The following TNRC6A variants were observed in gnomAD, a reference collection of about 807,000 sequenced individuals.
TNRC6A encodes the protein trinucleotide repeat-containing gene 6A protein.
TNRC6A carries 44 observed loss-of-function variants against 221.2 expected under a neutral mutation model. The observed-to-expected ratio is 0.20, with a 90% confidence interval of 0.16 to 0.26. TNRC6A has a LOEUF of 0.26. Ranked by LOEUF, TNRC6A falls within the 10% of genes least tolerant of loss-of-function variation. The pLI is 1.00. For missense variants in TNRC6A, 2,199 were observed against 2,404.4 expected, an observed-to-expected ratio of 0.91 and a Z score of 1.79; for synonymous variants, 847 against 838.5, an observed-to-expected ratio of 1.01 and a Z score of -0.18.
In TNRC6A at chr16:24,673,491, G is replaced by T. The variant is rs530323776; in HGVS notation, n.402+32482G>T. Among the ~76,000 whole-genome samples, 14 of 152,282 alleles carry T rather than the reference G, an allele frequency of 9.2e-5. No individual in the cohort carries two copies. In the South Asian group the frequency reaches 1.0e-3, roughly 11 times the overall value. On this transcript the variant is annotated intron_variant and non_coding_transcript_variant, in intron 2 of 2. Coordinates refer to the TNRC6A transcript ENST00000566108. ...GGCAAAGATAAGGAAGTAGATTCTG[G>T]CAGGGTGTGAGAATCCCACCAGCTC...
At chr16:24,710,678 T>G (rs2056187710) in intron 2 of TNRC6A, among the ~76,000 whole-genome samples, 1 of 152,106 alleles carries the variant, frequency 6.6e-6, no homozygotes, top group Non-Finnish European at 1.5e-5. Flanking sequence ...AGCATTTTGT[T>G]GGAGGTGTTT....
upstream of TNRC6A, chr16:24,729,554 A>C (rs1884622174): frequency 5.3e-6 from 2 of 378,876 alleles, no homozygotes; most frequent in Non-Finnish European, 9.4e-6. Flanking sequence ...GGCGGTTGCC[A>C]AGGACCTGCC....
chr16:24,713,408 AC>A (rs1247691011), intron 2 of TNRC6A, among the ~76,000 whole-genome samples: 1 of 150,990 alleles, frequency 6.6e-6, no homozygotes, highest in Non-Finnish European at 1.5e-5. Context: ...ACAGAGTAAA[AC>A]TCTGTCTAAA....
intron 1 of TNRC6A, among the ~76,000 whole-genome samples, chr16:24,611,726 A>G (rs1900065750): frequency 1.3e-5 from 2 of 152,196 alleles, no homozygotes; most frequent in East Asian, 1.9e-4. Context: ...TGTTTAAGGG[A>G]TAGAAATAAC....
chr16:24,813,255 T>C (rs569901899), intron 18 of TNRC6A, among the ~76,000 whole-genome samples: 1 of 152,298 alleles, frequency 6.6e-6, no homozygotes, highest in Admixed American at 6.5e-5. Context: ...ATATATTGCA[T>C]ACTGGTGGAG....
intron 2 of TNRC6A, chr16:24,665,108 T>C: frequency 2.5e-6 from 1 of 400,594 alleles, no homozygotes; most frequent in Middle Eastern, 7.8e-4. Context: ...CTCTGTTGCC[T>C]AGCCTGGAGT....
chr16:24,730,123 T>G, intron 1 of TNRC6A, 130 bp from the exon 2 acceptor site: 98 of 267,362 alleles, frequency 3.7e-4, no homozygotes, highest in East Asian at 6.6e-4. Flanking sequence ...TGAGTCCCCC[T>G]CCCCCCGTCC....
intron 2 of TNRC6A, among the ~76,000 whole-genome samples, chr16:24,710,850 T>C (rs991889754): frequency 6.6e-6 from 1 of 151,086 alleles, no homozygotes; most frequent in Non-Finnish European, 1.5e-5. Context: ...GTAGCTGGGA[T>C]TACAGGCACC....
intron 11 of TNRC6A, among the ~76,000 whole-genome samples, chr16:24,801,764 C>T (rs970595164): frequency 9.2e-5 from 14 of 152,152 alleles, no homozygotes; most frequent in South Asian, 2.1e-4. Context: ...TGTTAGCCAC[C>T]GTGCTCAGCT....
At chr16:24,626,859 A>G (rs1049449134) in intron 1 of TNRC6A, among the ~76,000 whole-genome samples, 3 of 151,120 alleles carry the variant, frequency 2.0e-5, no homozygotes, top group Non-Finnish European at 2.9e-5. Flanking sequence ...TCACCATGTT[A>G]GCCAGGAAGG....
upstream of TNRC6A, chr16:24,729,603 G>T: frequency 2.4e-6 from 1 of 411,384 alleles, no homozygotes; most frequent in Non-Finnish European, 4.2e-6. Flanking sequence ...CCATCTTGGG[G>T]GCCAGTGGCC....
intron 2 of TNRC6A, among the ~76,000 whole-genome samples, chr16:24,673,914 G>T (rs2142011221): frequency 6.6e-6 from 1 of 152,288 alleles, no homozygotes; most frequent in Non-Finnish European, 1.5e-5. Context: ...TGATACAGTT[G>T]TCAATGACAA....
chr16:24,717,773 T>C (rs1434549057), intron 2 of TNRC6A, among the ~76,000 whole-genome samples: 54 of 138,996 alleles, frequency 3.9e-4, no homozygotes, highest in African/African-American at 1.4e-3. Context: ...TTTTTTTCTT[T>C]TTTTTTTTTT....
intron 2 of TNRC6A, among the ~76,000 whole-genome samples, chr16:24,739,478 C>CTTTTTTTTT (rs71383710): frequency 8.5e-6 from 1 of 118,294 alleles, no homozygotes; most frequent in Non-Finnish European, 1.7e-5. Context: ...TTTCCTTTCA[C>CTTTTTTTTT]TTTTTTTTTT....
At chr16:24,665,981 C>T (rs2055150274) in intron 2 of TNRC6A, among the ~76,000 whole-genome samples, 1 of 152,102 alleles carries the variant, frequency 6.6e-6, no homozygotes, top group African/African-American at 2.4e-5. Flanking sequence ...AGAAATGGTA[C>T]ATGCCAGCAT....
At chr16:24,682,710 C>T (rs935503522) in intron 2 of TNRC6A, among the ~76,000 whole-genome samples, 1 of 152,122 alleles carries the variant, frequency 6.6e-6, no homozygotes, top group Non-Finnish European at 1.5e-5. Flanking sequence ...GGAAATGTGA[C>T]TTTAAGGCAG....
chr16:24,685,934 G>T (rs1022689384), intron 2 of TNRC6A, among the ~76,000 whole-genome samples: 1 of 151,988 alleles, frequency 6.6e-6, no homozygotes, highest in African/African-American at 2.4e-5. Context: ...GGCACAAAAT[G>T]GATTCATCCT....
chr16:24,638,017 T>C (rs1405619807), intron 1 of TNRC6A, among the ~76,000 whole-genome samples: 1 of 152,048 alleles, frequency 6.6e-6, no homozygotes, highest in East Asian at 1.9e-4. Context: ...ACTCCTGACC[T>C]CAAGTGATCC....
chr16:24,653,778 CAA>C (rs11285795), intron 2 of TNRC6A, among the ~76,000 whole-genome samples: 330 of 140,554 alleles, frequency 2.3e-3, no homozygotes, highest in Admixed American at 2.9e-3. Flanking sequence ...GAGACTCTAT[CAA>C]AAAAAAAAAA....
Sources: gnomAD v4.1 joint callset for allele counts (sites outside exome capture counted in the v4.1 genomes callset) on GRCh38, gnomAD v4.1.1 for gene constraint, MANE v1.5 for transcripts, NCBI Gene and HGNC (gene_info 2026-07-23, HGNC 2026-07-21) for gene names.